Variants in SDC2 observed in about 807,000 individuals in gnomAD.
SDC2 encodes syndecan 2.
In SDC2, 13 loss-of-function variants were observed where a neutral mutation model predicts 22.2. The observed-to-expected ratio is 0.59, with a 90% CI of 0.38 to 0.93. The LOEUF is 0.93. Ranked by LOEUF, SDC2 falls within the 40% of genes least tolerant of loss-of-function variation. The pLI is 0.00. For synonymous variants in SDC2, 94 were observed against 92.8 expected, an observed-to-expected ratio of 1.01 and a Z score of -0.07; for missense variants, 235 against 246.8, an observed-to-expected ratio of 0.95 and a Z score of 0.32.
At chr8:96,603,858 G>T (rs1346137015) in intron 3 of SDC2, among the ~76,000 whole-genome samples, 1 of 152,208 alleles carries the variant, frequency 6.6e-6, no homozygotes, top group Non-Finnish European at 1.5e-5. Flanking sequence ...GGCAGGGAGA[G>T]CCCTATGAGA....
chr8:96,545,767 G>T (rs1365760875), intron 1 of SDC2, among the ~76,000 whole-genome samples: 1 of 152,170 alleles, frequency 6.6e-6, no homozygotes, highest in Non-Finnish European at 1.5e-5. Context: ...CCTGGGCGTC[G>T]GCATTTCTAA....
At chr8:96,516,036 C>T (rs573681372) in intron 1 of SDC2, among the ~76,000 whole-genome samples, 128 of 152,232 alleles carry the variant, frequency 8.4e-4, no homozygotes, top group African/African-American at 2.8e-3. Flanking sequence ...GTCACACTGC[C>T]GGTGTTCGAA....
At chr8:96,505,850 G>A (rs796649234) in intron 1 of SDC2, among the ~76,000 whole-genome samples, 3 of 152,284 alleles carry the variant, frequency 2.0e-5, no homozygotes, top group African/African-American at 7.2e-5. Flanking sequence ...GGTCCTGCAA[G>A]TTAAAAAGAA....
chr8:96,512,487 T>A (rs959630945), intron 1 of SDC2, among the ~76,000 whole-genome samples: 1 of 152,172 alleles, frequency 6.6e-6, no homozygotes, highest in African/African-American at 2.4e-5. Flanking sequence ...TGGACTGTGA[T>A]AGAAAAGGAT....
At position 96,608,325 on chromosome 8, in the gene SDC2, C is replaced by G. The variant is rs2278608; in HGVS notation, c.307-10C>G. 6.4e-3 allele frequency: 10,290 copies of G among 1,610,874 alleles called. 552 individuals carry two copies. In the East Asian group the frequency reaches 0.14, roughly 22 times the overall value. On this transcript the variant is annotated splice_polypyrimidine_tract_variant and intron_variant, in intron 3 of 4. Coordinates refer to ENST00000302190, the MANE Select transcript of SDC2 (RefSeq NM_002998.4). ...AAATCAATGTAATCTTTCCCTGTTT[C>G]CCATACCAGTCACCTGAAGAAACTG...
At chr8:96,565,487 G>A (rs1037941139) in intron 1 of SDC2, among the ~76,000 whole-genome samples, 1 of 152,006 alleles carries the variant, frequency 6.6e-6, no homozygotes, top group East Asian at 1.9e-4. Flanking sequence ...AATTTAGTTT[G>A]AGTTTTAACT....
At chr8:96,565,084 A>ATTTTTTTTTTTTTTTTTT (rs11304418) in intron 1 of SDC2, among the ~76,000 whole-genome samples, 4,857 of 67,196 alleles carry the variant, frequency 0.072, 1,184 homozygotes, top group South Asian at 0.12. Context: ...CCTAAATTTG[A>ATTTTTTTTTTTTTTTTTT]TTTTTTTTTT....
intron 1 of SDC2, among the ~76,000 whole-genome samples, chr8:96,495,781 A>G (rs1246221495): frequency 6.6e-6 from 1 of 152,138 alleles, no homozygotes; most frequent in African/African-American, 2.4e-5. Flanking sequence ...GTGCTAGCAG[A>G]TCCCCATACG....
intron 1 of SDC2, among the ~76,000 whole-genome samples, chr8:96,522,804 AAATAAATCT>A (rs1813517097): frequency 1.3e-5 from 2 of 152,208 alleles, no homozygotes; most frequent in Admixed American, 6.5e-5. Context: ...GTAAGGTGTA[AAATAAATCT>A]GGTCCATGAA....
intron 1 of SDC2, among the ~76,000 whole-genome samples, chr8:96,527,596 G>T (rs1291251325): frequency 6.6e-6 from 1 of 152,150 alleles, no homozygotes; most frequent in East Asian, 1.9e-4. Flanking sequence ...CGTGCAGGCT[G>T]TTCAAGGGGG....
chr8:96,603,093 A>G (rs1815020951), intron 3 of SDC2, among the ~76,000 whole-genome samples: 2 of 152,352 alleles, frequency 1.3e-5, no homozygotes, highest in South Asian at 4.1e-4. Context: ...AGACCTGAGT[A>G]AAGTGACCAG....
At chr8:96,598,932 G>A (rs1277658780) in intron 2 of SDC2, among the ~76,000 whole-genome samples, 2 of 147,524 alleles carry the variant, frequency 1.4e-5, no homozygotes, top group Admixed American at 1.4e-4. Flanking sequence ...TTGCCCATCT[G>A]TCTCTATCTT....
In SDC2 at chr8:96,498,626, G is replaced by A. The variant is rs559940946; in HGVS notation, c.60+4295G>A. 4.6e-5 allele frequency among the ~76,000 whole-genome samples: 7 copies of A among 152,232 alleles called. No homozygotes were observed. The South Asian group carries it at 1.5e-3, about 32-fold the overall frequency. Reference sequence around the variant, plus strand: ...CTGCCTCAGCCTCCCGAGTAGCTGGGACTACAGGCACATGCCACTGCACCT... The same window carrying A: ...CTGCCTCAGCCTCCCGAGTAGCTGGAACTACAGGCACATGCCACTGCACCT... On this transcript the variant is annotated intron_variant, in intron 1 of 4. Coordinates refer to ENST00000302190, the MANE Select transcript of SDC2 (RefSeq NM_002998.4).
chr8:96,608,907 A>C (rs1815130160), intron 4 of SDC2, among the ~76,000 whole-genome samples: 1 of 152,224 alleles, frequency 6.6e-6, no homozygotes, highest in African/African-American at 2.4e-5. Context: ...AATTGGATGG[A>C]AGTGCAAATA....
intron 1 of SDC2, among the ~76,000 whole-genome samples, chr8:96,590,144 T>C (rs2130626744): frequency 6.6e-6 from 1 of 152,342 alleles, no homozygotes; most frequent in Non-Finnish European, 1.5e-5. Context: ...TCCTTTGCTC[T>C]CCTGTATTCA....
chr8:96,517,991 T>A (rs1488400887), intron 1 of SDC2, among the ~76,000 whole-genome samples: 1 of 152,004 alleles, frequency 6.6e-6, no homozygotes, highest in African/African-American at 2.4e-5. Context: ...GAACGATTGG[T>A]TTGCTGTTGG....
At position 96,609,653 on chromosome 8, in the gene SDC2, A is replaced by G. The variant is rs1471952445; in HGVS notation, c.*105A>G. 2 of 685,602 alleles carry G rather than the reference A, an allele frequency of 2.9e-6. No homozygotes were observed. Among genetic ancestry groups the G allele is most frequent in the Non-Finnish European group, 4.4e-6 (2 of 451,808 alleles). 42.5% of individuals were successfully genotyped at this position (685,602 alleles called of 1,614,324 possible). A position where few individuals can be genotyped will look rare whatever the true frequency, so the allele number is the denominator to read the frequency against. ...TGTTTTTTGTTTTCATTAAAGAGCC[A>G]TTCTGGCACTTTAATGATAAAATCC... On this transcript the variant is annotated 3_prime_UTR_variant, in exon 5 of 5. Coordinates refer to ENST00000302190, the MANE Select transcript of SDC2 (RefSeq NM_002998.4).
At chr8:96,561,912 T>G (rs1814216176) in intron 1 of SDC2, among the ~76,000 whole-genome samples, 1 of 152,220 alleles carries the variant, frequency 6.6e-6, no homozygotes, top group Non-Finnish European at 1.5e-5. Flanking sequence ...TTGTTTGTTT[T>G]GTTTTTCCAA....
chr8:96,540,340 G>GTGTATATATATATATATATA (rs4058341), intron 1 of SDC2, among the ~76,000 whole-genome samples: 2,359 of 123,534 alleles, frequency 0.019, 51 homozygotes, highest in African/African-American at 0.021. Context: ...ATATATATGT[G>GTGTATATATATATATATATA]TATATATATA....
Sources: gnomAD v4.1 joint callset for allele counts (sites outside exome capture counted in the v4.1 genomes callset) on GRCh38, gnomAD v4.1.1 for gene constraint, MANE v1.5 for transcripts, NCBI Gene and HGNC (gene_info 2026-07-23, HGNC 2026-07-21) for gene names.